Variants in ARB2A observed in about 807,000 individuals in gnomAD.
ARB2A encodes the protein cotranscriptional regulator ARB2A.
At chr5:94,011,591 T>G in the ARB2A span, among the ~76,000 whole-genome samples, 1 of 151,988 alleles carries the variant, frequency 6.6e-6, no homozygotes, top group Non-Finnish European at 1.5e-5. Flanking sequence ...CACAAAAGAT[T>G]AAAGGAATAA....
At chr5:93,815,436 A>G in the ARB2A span, among the ~76,000 whole-genome samples, 1 of 152,200 alleles carries the variant, frequency 6.6e-6, no homozygotes, top group African/African-American at 2.4e-5. Flanking sequence ...TTATTGCCAT[A>G]GAAACCAGAT....
the ARB2A span, among the ~76,000 whole-genome samples, chr5:93,977,558 T>C: frequency 5.9e-5 from 9 of 152,242 alleles, no homozygotes; most frequent in Admixed American, 4.6e-4. Flanking sequence ...GAAAATTGGC[T>C]AACCATAGGC....
the ARB2A span, among the ~76,000 whole-genome samples, chr5:93,970,581 G>A: frequency 2.0e-5 from 3 of 151,970 alleles, no homozygotes; most frequent in African/African-American, 4.8e-5. Flanking sequence ...GGGACACTGG[G>A]GTTTGATTCT....
At chr5:93,734,806 T>C in the ARB2A span, 3 of 152,060 alleles carry the variant, frequency 2.0e-5, no homozygotes, top group African/African-American at 7.2e-5. Flanking sequence ...AGTAGATTTC[T>C]TTTTCTTTTG....
chr5:94,102,183 T>A, the ARB2A span, among the ~76,000 whole-genome samples: 11 of 151,176 alleles, frequency 7.3e-5, no homozygotes, highest in African/African-American at 2.4e-4. Context: ...TTAACCAGGC[T>A]GAAATTATAG....
At chr5:93,950,390 CTT>C in the ARB2A span, among the ~76,000 whole-genome samples, 2 of 152,186 alleles carry the variant, frequency 1.3e-5, no homozygotes, top group African/African-American at 4.8e-5. Flanking sequence ...TACTGCCTAA[CTT>C]TTAAATAAAA....
At chr5:93,856,122 T>G in the ARB2A span, among the ~76,000 whole-genome samples, 3 of 152,216 alleles carry the variant, frequency 2.0e-5, no homozygotes, top group Non-Finnish European at 4.4e-5. Flanking sequence ...CAAGCCACTC[T>G]CTTCTGGCTT....
At chr5:93,945,778 T>G in the ARB2A span, among the ~76,000 whole-genome samples, 2 of 151,936 alleles carry the variant, frequency 1.3e-5, no homozygotes, top group African/African-American at 4.8e-5. Flanking sequence ...TGAATATAAA[T>G]GGAAAGACAT....
At chr5:93,995,788 G>T in the ARB2A span, among the ~76,000 whole-genome samples, 2 of 152,236 alleles carry the variant, frequency 1.3e-5, no homozygotes, top group African/African-American at 4.8e-5. Flanking sequence ...TGACAAGAGG[G>T]TAAATCTCAC....
the ARB2A span, among the ~76,000 whole-genome samples, chr5:93,783,946 T>C: frequency 5.9e-5 from 9 of 152,178 alleles, no homozygotes; most frequent in Non-Finnish European, 1.2e-4. Context: ...CTGGATGTAG[T>C]CAGCCAATCC....
At chr5:94,050,488 C>T in the ARB2A span, among the ~76,000 whole-genome samples, 1 of 151,664 alleles carries the variant, frequency 6.6e-6, no homozygotes, top group Non-Finnish European at 1.5e-5. Context: ...CTCTTGACCT[C>T]GTGATCCACC....
chr5:93,869,883 C>G, the ARB2A span, among the ~76,000 whole-genome samples: 1 of 152,218 alleles, frequency 6.6e-6, no homozygotes, highest in African/African-American at 2.4e-5. Flanking sequence ...ATAATCCCAC[C>G]ACCCTTTGCT....
chr5:93,703,760 C>T, the ARB2A span, among the ~76,000 whole-genome samples: 1 of 152,176 alleles, frequency 6.6e-6, no homozygotes, highest in Non-Finnish European at 1.5e-5. Flanking sequence ...TTTCTTTCTT[C>T]CACTTGCCCC....
the ARB2A span, among the ~76,000 whole-genome samples, chr5:93,747,634 C>A: frequency 2.0e-5 from 3 of 152,094 alleles, no homozygotes; most frequent in Non-Finnish European, 2.9e-5. Context: ...TTAAAGAGAA[C>A]AAACTAGGTT....
chr5:93,783,248 T>C, the ARB2A span, among the ~76,000 whole-genome samples: 1 of 152,158 alleles, frequency 6.6e-6, no homozygotes, highest in Non-Finnish European at 1.5e-5. Flanking sequence ...AGGAGCTTTC[T>C]ATATGGTCAT....
the ARB2A span, among the ~76,000 whole-genome samples, chr5:94,058,016 T>G: frequency 6.6e-6 from 1 of 151,818 alleles, no homozygotes; most frequent in Non-Finnish European, 1.5e-5. Context: ...TATTTATCCA[T>G]ACACATAGGA....
the ARB2A span, among the ~76,000 whole-genome samples, chr5:93,776,797 T>C: frequency 6.6e-6 from 1 of 151,586 alleles, no homozygotes; most frequent in Non-Finnish European, 1.5e-5. Context: ...ATAAATAAAA[T>C]AGATGACATG....
chr5:94,020,031 TAGAC>T, the ARB2A span, among the ~76,000 whole-genome samples: 3 of 152,160 alleles, frequency 2.0e-5, no homozygotes, highest in African/African-American at 7.2e-5. Context: ...CCATCAATGA[TAGAC>T]AGGATAAAGA....
the ARB2A span, among the ~76,000 whole-genome samples, chr5:93,945,963 T>C: frequency 1.3e-5 from 2 of 152,088 alleles, no homozygotes; most frequent in Admixed American, 1.3e-4. Flanking sequence ...ATTAAAACAC[T>C]GGAAACTAGA....
Sources: allele counts gnomAD v4.1 joint callset (sites outside exome capture counted in the v4.1 genomes callset), GRCh38; gene constraint gnomAD v4.1.1; transcripts MANE v1.5; gene names NCBI Gene and HGNC (gene_info 2026-07-23, HGNC 2026-07-21).